Variants in FHIT observed in about 807,000 individuals in gnomAD.
The protein encoded by FHIT is fragile histidine triad diadenosine triphosphatase.
In FHIT, 19 loss-of-function variants were observed where a neutral mutation model predicts 17.9. The ratio of observed to expected loss-of-function variants is 1.06; its 90% CI spans 0.74 to 1.56. The LOEUF (loss-of-function observed/expected upper bound fraction) is 1.56. Ranked by LOEUF, FHIT falls within the 40% of genes most tolerant of loss-of-function variation. FHIT has a pLI of 0.00. For missense variants in FHIT, 248 were observed against 189.2 expected (o/e 1.31, Z -1.82); for synonymous variants, 81 against 69.7 (o/e 1.16, Z -0.81).
At chr3:59,950,639 A>C (rs1707070357) in intron 7 of FHIT, among the ~76,000 whole-genome samples, 1 of 152,204 alleles carries the variant, frequency 6.6e-6, no homozygotes, top group African/African-American at 2.4e-5. Flanking sequence ...AATCAGGAGC[A>C]GTAAACTCAA....
intron 5 of FHIT, among the ~76,000 whole-genome samples, chr3:60,285,719 G>A (rs1559789622): frequency 6.6e-6 from 1 of 152,196 alleles, no homozygotes; most frequent in Non-Finnish European, 1.5e-5. Flanking sequence ...TTGGCTGCCA[G>A]CTGAGATCTT....
At chr3:60,633,948 A>C (rs140416699) in intron 4 of FHIT, among the ~76,000 whole-genome samples, 1 of 152,244 alleles carries the variant, frequency 6.6e-6, no homozygotes, top group Non-Finnish European at 1.5e-5. Context: ...CTCATAGCAT[A>C]TGATTTCTTC....
chr3:60,940,297 A>C lies in FHIT; in HGVS notation c.-111+101750T>G, dbSNP rs373905707. 2.6e-5 allele frequency among the ~76,000 whole-genome samples: 4 copies of C among 152,150 alleles called. No individual in the cohort carries two copies. The East Asian group carries it at 5.8e-4, about 22-fold the overall frequency. On this transcript the variant is annotated intron_variant, in intron 3 of 9. Transcript: ENST00000492590. ...CTCACGTGTGCCAAACTCTAAGTCC[A>C]ATGTTAACTAGCCTATTCTGAAGAA...
chr3:61,043,194 G>T lies in FHIT; in HGVS notation c.-163-1095C>A, dbSNP rs193169355. ...GCAGTGCAAGGGGTCAGGGAATTCC[G>T]TTTCCTAGCCAAGGGAAGCTGTGAC... On this transcript the variant is annotated intron_variant, in intron 2 of 9. Coordinates refer to ENST00000492590, the MANE Select transcript of FHIT (RefSeq NM_002012.4). Among the ~76,000 whole-genome samples the T allele has an allele frequency of 6.8e-3, 1,040 of 152,284 alleles. 9 individuals are homozygous for T. Among genetic ancestry groups the T allele is most frequent in the South Asian group, 0.039 (186 of 4,830 alleles).
At chr3:60,291,117 G>T (rs1707964301) in intron 5 of FHIT, among the ~76,000 whole-genome samples, 1 of 152,190 alleles carries the variant, frequency 6.6e-6, no homozygotes, top group South Asian at 2.1e-4. Flanking sequence ...GACACACAAG[G>T]AGTGAGGTTA....
intron 5 of FHIT, among the ~76,000 whole-genome samples, chr3:60,175,276 C>A (rs1701617591): frequency 6.6e-6 from 1 of 152,164 alleles, no homozygotes; most frequent in Admixed American, 6.5e-5. Context: ...CTAAACTACA[C>A]ATATTGCTAC....
chr3:60,039,516 T>G (rs117985516), intron 5 of FHIT, among the ~76,000 whole-genome samples: 1 of 152,172 alleles, frequency 6.6e-6, no homozygotes, highest in Non-Finnish European at 1.5e-5. Context: ...CCTTGGAGAA[T>G]GCAGATAATC....
At chr3:60,119,935 G>C (rs1483171035) in intron 5 of FHIT, among the ~76,000 whole-genome samples, 1 of 152,144 alleles carries the variant, frequency 6.6e-6, no homozygotes, top group Admixed American at 6.6e-5. Flanking sequence ...ATGGCATTTA[G>C]GGTCCTGTGA....
At chr3:60,265,215 T>C (rs923091491) in intron 5 of FHIT, among the ~76,000 whole-genome samples, 1 of 152,062 alleles carries the variant, frequency 6.6e-6, no homozygotes, top group South Asian at 2.1e-4. Flanking sequence ...TACACAATGA[T>C]AGTGGAGAAG....
At chr3:61,039,997 A>G (rs2033431143) in intron 3 of FHIT, among the ~76,000 whole-genome samples, 1 of 152,202 alleles carries the variant, frequency 6.6e-6, no homozygotes, top group Non-Finnish European at 1.5e-5. Flanking sequence ...AGTAGCAAAG[A>G]AAGAGCATCA....
chr3:60,980,923 T>C (rs543059511), intron 3 of FHIT, among the ~76,000 whole-genome samples: 1 of 152,302 alleles, frequency 6.6e-6, no homozygotes, highest in South Asian at 2.1e-4. Context: ...AGCCCCCCTA[T>C]TTTAGCAATT....
At chr3:60,880,878 T>G (rs1704942280) in intron 3 of FHIT, among the ~76,000 whole-genome samples, 1 of 151,970 alleles carries the variant, frequency 6.6e-6, no homozygotes, top group South Asian at 2.1e-4. Flanking sequence ...ACAAAGGATA[T>G]GCAAAATAAC....
intron 4 of FHIT, among the ~76,000 whole-genome samples, chr3:60,752,687 C>A (rs17063920): frequency 0.033 from 5,096 of 152,174 alleles, 297 homozygotes; most frequent in African/African-American, 0.11. Context: ...GCTGTTGGAG[C>A]GCTTGGTGTA....
intron 8 of FHIT, among the ~76,000 whole-genome samples, chr3:59,783,482 G>T (rs999729733): frequency 2.0e-5 from 3 of 152,020 alleles, no homozygotes; most frequent in African/African-American, 7.3e-5. Flanking sequence ...AAAACAAAAC[G>T]AAACAAAACA....
chr3:61,086,892 T>G (rs188223920), intron 2 of FHIT, among the ~76,000 whole-genome samples: 1 of 152,288 alleles, frequency 6.6e-6, no homozygotes, highest in Non-Finnish European at 1.5e-5. Context: ...AAGATTCTAG[T>G]GATACAGACA....
At chr3:61,202,871 G>T (rs923474571) in intron 1 of FHIT, among the ~76,000 whole-genome samples, 13 of 152,076 alleles carry the variant, frequency 8.5e-5, no homozygotes, top group Non-Finnish European at 4.4e-5. Flanking sequence ...GGCCAACGTG[G>T]TGAAACCTTG....
At chr3:60,037,432 G>A (rs138708834) in intron 5 of FHIT, among the ~76,000 whole-genome samples, 6 of 144,566 alleles carry the variant, frequency 4.2e-5, no homozygotes, top group Admixed American at 7.0e-5. Flanking sequence ...TCTGTCGCCC[G>A]AGTGCAGTGG....
chr3:60,351,023 C>A (rs768057912), intron 5 of FHIT, among the ~76,000 whole-genome samples: 4 of 152,126 alleles, frequency 2.6e-5, no homozygotes, highest in Non-Finnish European at 5.9e-5. Flanking sequence ...CCCAGTCAAG[C>A]AGCTGATGAG....
chr3:60,916,847 G>A (rs1707030731), intron 3 of FHIT, among the ~76,000 whole-genome samples: 1 of 152,128 alleles, frequency 6.6e-6, no homozygotes, highest in Non-Finnish European at 1.5e-5. Flanking sequence ...GATGAAGTTT[G>A]TAATATAAAG....
Sources: gnomAD v4.1 joint callset for allele counts (sites outside exome capture counted in the v4.1 genomes callset) on GRCh38, gnomAD v4.1.1 for gene constraint, MANE v1.5 for transcripts, NCBI Gene and HGNC (gene_info 2026-07-23, HGNC 2026-07-21) for gene names.